Variants in TCF7L1 observed in about 807,000 individuals in gnomAD.
TCF7L1 encodes the protein transcription factor 7 like 1, also known as transcription factor 7-like 1.
A neutral mutation model predicts 63.7 loss-of-function variants in TCF7L1; 18 were observed. The ratio of observed to expected loss-of-function variants is 0.28; its 90% CI spans 0.20 to 0.42. The LOEUF (loss-of-function observed/expected upper bound fraction) is 0.42, where lower values mean the gene tolerates loss of function less well. Among genes scored for constraint, TCF7L1 ranks in the 10% least tolerant of loss-of-function variants. The pLI is 1.00. For missense variants in TCF7L1, 654 were observed against 779.3 expected, an observed-to-expected ratio of 0.84 and a Z score of 1.91; for synonymous variants, 355 against 340.9, an observed-to-expected ratio of 1.04 and a Z score of -0.46.
intron 4 of TCF7L1, among the ~76,000 whole-genome samples, chr2:85,291,524 GT>G (rs1479813700): frequency 6.6e-6 from 1 of 151,864 alleles, no homozygotes; most frequent in East Asian, 1.9e-4. Flanking sequence ...TATTTTTGGG[GT>G]TTTGTTTTTG....
At chr2:85,182,621 G>T (rs1282558693) in intron 3 of TCF7L1, among the ~76,000 whole-genome samples, 1 of 152,212 alleles carries the variant, frequency 6.6e-6, no homozygotes, top group African/African-American at 2.4e-5. Context: ...ATGGCCCTCT[G>T]AGTAGACTGG....
At chr2:85,195,040 T>C (rs1284569264) in intron 3 of TCF7L1, among the ~76,000 whole-genome samples, 1 of 152,234 alleles carries the variant, frequency 6.6e-6, no homozygotes, top group East Asian at 1.9e-4. Flanking sequence ...ACAGTCCTTT[T>C]TCGCAGCATT....
intron 4 of TCF7L1, among the ~76,000 whole-genome samples, chr2:85,299,589 C>T (rs780861506): frequency 4.3e-5 from 6 of 140,398 alleles, no homozygotes; most frequent in Admixed American, 2.1e-4. Context: ...CCACTGAGCC[C>T]GGCACAGTGG....
At chr2:85,272,790 A>G (rs1681181259) in intron 3 of TCF7L1, among the ~76,000 whole-genome samples, 1 of 152,136 alleles carries the variant, frequency 6.6e-6, no homozygotes, top group Non-Finnish European at 1.5e-5. Context: ...GCAAGACCCT[A>G]TCAATCAATC....
chr2:85,244,990 G>A (rs1365713233), intron 3 of TCF7L1, among the ~76,000 whole-genome samples: 9 of 152,144 alleles, frequency 5.9e-5, no homozygotes, highest in Non-Finnish European at 1.0e-4. Flanking sequence ...GCTGAAGGTC[G>A]AGTGAGATGA....
chr2:85,173,960 C>A (rs1298581718), intron 3 of TCF7L1, among the ~76,000 whole-genome samples: 1 of 152,140 alleles, frequency 6.6e-6, no homozygotes, highest in Non-Finnish European at 1.5e-5. Flanking sequence ...TGGTCTCGAA[C>A]TCCTGACCTT....
intron 3 of TCF7L1, among the ~76,000 whole-genome samples, chr2:85,241,961 T>C (rs1335777519): frequency 1.4e-5 from 2 of 147,702 alleles, no homozygotes; most frequent in Non-Finnish European, 3.0e-5. Context: ...TTTTGGTAAA[T>C]ATTCCTTTCA....
intron 4 of TCF7L1, among the ~76,000 whole-genome samples, chr2:85,297,139 A>G (rs1681850986): frequency 6.6e-6 from 1 of 152,232 alleles, no homozygotes; most frequent in African/African-American, 2.4e-5. Context: ...GCCAGCAAAC[A>G]GTGGGAAAAG....
chr2:85,159,175 G>C (rs377209444), intron 3 of TCF7L1, among the ~76,000 whole-genome samples: 2 of 152,256 alleles, frequency 1.3e-5, no homozygotes, highest in South Asian at 2.1e-4. Flanking sequence ...GTTTGAGACA[G>C]GAAACACTTC....
intron 3 of TCF7L1, among the ~76,000 whole-genome samples, chr2:85,278,567 A>T (rs768488586): frequency 1.1e-4 from 16 of 152,210 alleles, no homozygotes; most frequent in Non-Finnish European, 2.4e-4. Context: ...GAGAAACCAC[A>T]TGACCATTTT....
At position 85,306,153 on chromosome 2, in the gene TCF7L1, T is replaced by C. The variant is rs1398961835; in HGVS notation, c.990-53T>C. 5.6e-6 allele frequency: 9 copies of C among 1,607,310 alleles called. 1 individual carries two copies. The Admixed American group carries it at 1.2e-4, about 21-fold the overall frequency. On this transcript the variant is annotated intron_variant, in intron 8 of 11. Transcript: ENST00000282111. The surrounding 1 kb of genome is among the most constrained non-coding windows in gnomAD (Gnocchi z 4.3). ...CGGTGTTTCAGTGACAGGTGGGGAT[T>C]GATGAGTTGTGTGACACCTGACATG...
intron 3 of TCF7L1, among the ~76,000 whole-genome samples, chr2:85,265,933 C>T (rs373404122): frequency 6.6e-6 from 1 of 152,156 alleles, no homozygotes; most frequent in East Asian, 1.9e-4. Context: ...CAACTCACCT[C>T]TTAGTGTATA....
chr2:85,304,077 G>A, intron 6 of TCF7L1, 80 bp downstream of exon 6: 1 of 1,279,486 alleles, frequency 7.8e-7, no homozygotes, highest in Non-Finnish European at 1.1e-6. Context: ...GCCCTGCACA[G>A]TGGAGCCCCC....
intron 3 of TCF7L1, among the ~76,000 whole-genome samples, chr2:85,171,012 A>C (rs187588299): frequency 6.6e-6 from 1 of 152,296 alleles, no homozygotes; most frequent in Non-Finnish European, 1.5e-5. Context: ...TAATAAAGCC[A>C]TACCTGAGAC....
In TCF7L1 at chr2:85,302,570, C is replaced by G. The variant is rs139053179; in HGVS notation, c.612C>G (p.Pro204=). The G allele has an allele frequency of 6.2e-7, 1 of 1,613,960 alleles. No individual in the cohort carries two copies. The highest frequency in any genetic ancestry group is 1.3e-5 in the African/African-American group (1 of 74,938). The change falls in exon 5 of 12, where the codon CCC becomes CCG. Residue 204 remains proline, a synonymous_variant. Transcript: ENST00000282111. Reference sequence around the variant, plus strand: ...CCTACAGCAATGACCACTTCTCCCCCGGCTCCCCTCCCACCCACCTCTCCC... The same window carrying G: ...CCTACAGCAATGACCACTTCTCCCCGGGCTCCCCTCCCACCCACCTCTCCC... ...LITYSNDHFS[P]GSPPTHLSPE...
At chr2:85,265,310 A>T (rs1680941459) in intron 3 of TCF7L1, among the ~76,000 whole-genome samples, 1 of 151,410 alleles carries the variant, frequency 6.6e-6, no homozygotes, top group Non-Finnish European at 1.5e-5. Context: ...AAAAAAGTAG[A>T]TGCTTAAGCC....
chr2:85,278,839 T>G (rs1287622349), intron 3 of TCF7L1, among the ~76,000 whole-genome samples: 1 of 152,270 alleles, frequency 6.6e-6, no homozygotes, highest in Non-Finnish European at 1.5e-5. Flanking sequence ...CCGTTTGGGT[T>G]TGGTGTTTTC....
intron 3 of TCF7L1, among the ~76,000 whole-genome samples, chr2:85,170,194 CTG>C (rs1678515737): frequency 6.6e-6 from 1 of 152,114 alleles, no homozygotes; most frequent in African/African-American, 2.4e-5. Flanking sequence ...TTTGTGGAGA[CTG>C]GAGCTGACTT....
At chr2:85,250,546 C>T (rs1018502766) in intron 3 of TCF7L1, among the ~76,000 whole-genome samples, 7 of 152,084 alleles carry the variant, frequency 4.6e-5, no homozygotes, top group African/African-American at 1.2e-4. Context: ...AAGCGATTCT[C>T]GTGCCTCAGC....
Sources: allele counts gnomAD v4.1 joint callset (sites outside exome capture counted in the v4.1 genomes callset), GRCh38; gene constraint gnomAD v4.1.1; non-coding constraint Gnocchi (gnomAD v3.1); transcripts MANE v1.5; gene names NCBI Gene and HGNC (gene_info 2026-07-23, HGNC 2026-07-21).